Variants in PHLDB3 observed in about 807,000 individuals in gnomAD.
PHLDB3 encodes pleckstrin homology-like domain family B member 3.
A neutral mutation model predicts 85.7 loss-of-function variants in PHLDB3; 86 were observed. The observed-to-expected ratio is 1.00, with a 90% CI of 0.84 to 1.20. The LOEUF (loss-of-function observed/expected upper bound fraction) is 1.20, where lower values mean the gene tolerates loss of function less well. Ranked by LOEUF, PHLDB3 falls within the 50% of genes most tolerant of loss-of-function variation. PHLDB3 has a pLI of 0.00. For synonymous variants in PHLDB3, 376 were observed against 349.8 expected (o/e 1.07, Z -0.83); for missense variants, 995 against 873.0 (o/e 1.14, Z -1.76).
chr19:43,481,445 C>A (rs1400150589), intron 13 of PHLDB3, among the ~76,000 whole-genome samples: 1 of 152,172 alleles, frequency 6.6e-6, no homozygotes, highest in Non-Finnish European at 1.5e-5. Flanking sequence ...ATGGAGAAAC[C>A]CTGTCTCTGC....
chr19:43,490,774 T>C (rs911058637), intron 9 of PHLDB3, among the ~76,000 whole-genome samples: 1 of 152,138 alleles, frequency 6.6e-6, no homozygotes, highest in Non-Finnish European at 1.5e-5. Context: ...AGGGCACTTA[T>C]GTTGTAGGAA....
intron 9 of PHLDB3, among the ~76,000 whole-genome samples, chr19:43,489,480 C>T (rs2145918561): frequency 6.6e-6 from 1 of 151,168 alleles, no homozygotes; most frequent in Middle Eastern, 3.4e-3. Flanking sequence ...CAGAATATCT[C>T]TGGGGAACAC....
At chr19:43,492,026 G>A (rs1971330446) in intron 9 of PHLDB3, among the ~76,000 whole-genome samples, 1 of 150,094 alleles carries the variant, frequency 6.7e-6, no homozygotes, top group Non-Finnish European at 1.5e-5. Flanking sequence ...CATGATCTCG[G>A]CTCACTGCAA....
rs10685194 is a variant in PHLDB3 at position 43,502,457 on chromosome 19, C to CTTTTT, written c.214-179_214-175dup. 4.0e-4 allele frequency among the ~76,000 whole-genome samples: 54 copies of CTTTTT among 136,668 alleles called. 1 individual carries two copies. Among genetic ancestry groups the CTTTTT allele is most frequent in the Admixed American group, 1.2e-3 (16 of 13,416 alleles). The allele number at this position is 136,668 out of a possible 152,430, so 89.7% of individuals were successfully genotyped here. A position where few individuals can be genotyped will look rare whatever the true frequency, so the allele number is the denominator to read the frequency against. On this transcript the variant is annotated intron_variant, in intron 2 of 15. Transcript: ENST00000292140. ...AGGCTCTTTTCTTTTTCTTTCTTAT[C>CTTTTT]TTTTTTTTTTTTTTGTCCTGAGATA...
rs373886159 is a variant in PHLDB3, at chr19:43,489,985, C to T, written c.1150-2862G>A. On this transcript the variant is annotated intron_variant, in intron 9 of 15. Coordinates refer to ENST00000292140, the MANE Select transcript of PHLDB3 (RefSeq NM_198850.4). ...TCACACCACTGCACTCCAGCCTGAG[C>T]GGCAGAGCAAGACTCTGCCAAAAAG... Among the ~76,000 whole-genome samples, 60 of 140,930 alleles carry T rather than the reference C, an allele frequency of 4.3e-4. 1 individual carries two copies. Among genetic ancestry groups the T allele is most frequent in the African/African-American group, 1.5e-3 (56 of 37,764 alleles). The allele number at this position is 140,930 out of a possible 152,430, so 92.5% of individuals were successfully genotyped here.
rs760708749 is a variant in PHLDB3, at chr19:43,487,574, C to CAAAAAAAAAAA, written c.1150-462_1150-452dup. 8.0e-3 allele frequency among the ~76,000 whole-genome samples: 306 copies of CAAAAAAAAAAA among 38,476 alleles called. 25 individuals are homozygous for CAAAAAAAAAAA. The highest frequency in any genetic ancestry group is 0.023 in the African/African-American group (226 of 10,000). 25.2% of individuals were successfully genotyped at this position (38,476 alleles called of 152,430 possible). On this transcript the variant is annotated intron_variant, in intron 9 of 15. Coordinates refer to ENST00000292140, the MANE Select transcript of PHLDB3 (RefSeq NM_198850.4). ...TGGGCGACAGAGCAAGACTCTGTCT[C>CAAAAAAAAAAA]AAAAAAAAAAAAAAAAAACACAGAA...
At position 43,486,608 on chromosome 19, in the gene PHLDB3, C is replaced by T. The variant is rs1202230488; in HGVS notation, c.1428+1G>A. Reference sequence around the variant, plus strand: ...CCGAAGAGGATGGCCTGGGCTCTCACCCGGGCCTTGAGCAGCCGCTCCCTC... The same window carrying T: ...CCGAAGAGGATGGCCTGGGCTCTCATCCGGGCCTTGAGCAGCCGCTCCCTC... On this transcript the variant is annotated splice_donor_variant, in intron 12 of 15. Transcript: ENST00000292140. LOFTEE classifies it high-confidence loss of function. 2 of 1,612,038 alleles carry T rather than the reference C, an allele frequency of 1.2e-6. No homozygotes were observed. Among genetic ancestry groups the T allele is most frequent in the African/African-American group, 2.7e-5 (2 of 74,914 alleles).
At chr19:43,502,733 G>A (rs948123367) in intron 2 of PHLDB3, among the ~76,000 whole-genome samples, 5 of 150,432 alleles carry the variant, frequency 3.3e-5, no homozygotes, top group Non-Finnish European at 5.9e-5. Context: ...TACGATTACA[G>A]GCATAAGCCA....
chr19:43,493,543 G>T (rs1037395648), intron 9 of PHLDB3, among the ~76,000 whole-genome samples: 1 of 151,398 alleles, frequency 6.6e-6, no homozygotes, highest in African/African-American at 2.4e-5. Flanking sequence ...ACTCAAGGAG[G>T]ATCACCTGAG....
At chr19:43,477,800 T>TTTAAGA (rs1380880400) in intron 15 of PHLDB3, among the ~76,000 whole-genome samples, 2 of 150,890 alleles carry the variant, frequency 1.3e-5, no homozygotes, top group Non-Finnish European at 2.9e-5. Context: ...AGAATGAGAC[T>TTTAAGA]CTGTCTTAAA....
At chr19:43,494,896 C>A in intron 8 of PHLDB3, 81 bp from the exon 9 acceptor site, 1 of 948,588 alleles carries the variant, frequency 1.1e-6, no homozygotes, top group Non-Finnish European at 1.6e-6. Flanking sequence ...CTGGCCCATG[C>A]CTCTAGTGCC....
At position 43,483,454 on chromosome 19, in the gene PHLDB3, T is replaced by C. The variant is rs535282079; in HGVS notation, c.1485+2812A>G. 3.2e-4 allele frequency among the ~76,000 whole-genome samples: 49 copies of C among 152,122 alleles called. No homozygotes were observed. In the Middle Eastern group the frequency reaches 0.01, roughly 32 times the overall value. ...CCACCACACCTGCTAATTTTTTAAA[T>C]TTCTGTAGAGATGAGGGTCTGACTA... On this transcript the variant is annotated intron_variant, in intron 13 of 15. Coordinates refer to ENST00000292140, the MANE Select transcript of PHLDB3 (RefSeq NM_198850.4).
At chr19:43,502,564 T>C (rs1971637897) in intron 2 of PHLDB3, among the ~76,000 whole-genome samples, 1 of 146,392 alleles carries the variant, frequency 6.8e-6, no homozygotes, top group South Asian at 2.2e-4. Flanking sequence ...TTCTTCTGCC[T>C]CATCCTCCTA....
chr19:43,492,338 C>T (rs560906770), intron 9 of PHLDB3, among the ~76,000 whole-genome samples: 3 of 152,196 alleles, frequency 2.0e-5, no homozygotes, highest in South Asian at 2.1e-4. Context: ...CCACCCACCT[C>T]GGCCTCTCAA....
rs1568477397 is a variant in PHLDB3, at chr19:43,487,584, A to AC, written c.1150-462_1150-461insG. Among the ~76,000 whole-genome samples the AC allele has an allele frequency of 2.8e-4, 41 of 148,482 alleles. 2 individuals carry two copies. Among genetic ancestry groups the AC allele is most frequent in the African/African-American group, 9.9e-4 (40 of 40,466 alleles). On this transcript the variant is annotated intron_variant, in intron 9 of 15. Coordinates refer to ENST00000292140, the MANE Select transcript of PHLDB3 (RefSeq NM_198850.4). ...AGCAAGACTCTGTCTCAAAAAAAAA[A>AC]AAAAAAAACACAGAAAAGAAAAAAA...
chr19:43,477,636 GAAACCCCGTCTC>G (rs1415798240), intron 15 of PHLDB3, among the ~76,000 whole-genome samples: 3 of 150,756 alleles, frequency 2.0e-5, no homozygotes, highest in East Asian at 3.9e-4. Context: ...CCAACACAGT[GAAACCCCGTCTC>G]TACTAAAAAT....
chr19:43,484,757 G>A (rs1322820449), intron 13 of PHLDB3, among the ~76,000 whole-genome samples: 1 of 152,150 alleles, frequency 6.6e-6, no homozygotes, highest in Non-Finnish European at 1.5e-5. Context: ...TGATGTTTGA[G>A]TGAAAGGATA....
At chr19:43,478,946 A>C (rs1256319191) in intron 14 of PHLDB3, among the ~76,000 whole-genome samples, 3 of 151,698 alleles carry the variant, frequency 2.0e-5, no homozygotes, top group Non-Finnish European at 4.4e-5. Context: ...AAAACAAAAA[A>C]AAGTGTCCAA....
chr19:43,494,093 C>T (rs1568480843), intron 9 of PHLDB3, among the ~76,000 whole-genome samples: 1 of 152,112 alleles, frequency 6.6e-6, no homozygotes, highest in Non-Finnish European at 1.5e-5. Context: ...AGTACAGTGG[C>T]ATAATCTCGG....
Sources: gnomAD v4.1 joint callset for allele counts (sites outside exome capture counted in the v4.1 genomes callset) on GRCh38, gnomAD v4.1.1 for gene constraint, MANE v1.5 for transcripts, NCBI Gene and HGNC (gene_info 2026-07-23, HGNC 2026-07-21) for gene names.